The following CYFIP2 variants were observed in gnomAD, a reference collection of about 807,000 sequenced individuals.
CYFIP2 encodes the protein cytoplasmic FMR1-interacting protein 2.
A neutral mutation model predicts 158.7 loss-of-function variants in CYFIP2; 29 were observed. The observed-to-expected ratio is 0.18, with a 90% CI of 0.14 to 0.25. The LOEUF is 0.25. CYFIP2 is among the 10% of genes least tolerant of loss of function. CYFIP2 has a pLI of 1.00. For missense variants in CYFIP2, 852 were observed against 1,639.5 expected, an observed-to-expected ratio of 0.52 and a Z score of 8.29; for synonymous variants, 585 against 617.6, an observed-to-expected ratio of 0.95 and a Z score of 0.78.
intron 3 of CYFIP2, among the ~76,000 whole-genome samples, chr5:157,289,859 T>C (rs1337154640): frequency 1.3e-5 from 2 of 152,182 alleles, no homozygotes; most frequent in Admixed American, 6.5e-5. Flanking sequence ...AAAAGAGATA[T>C]GAACAGAACG....
intron 5 of CYFIP2, among the ~76,000 whole-genome samples, chr5:157,298,931 A>G (rs1434829103): frequency 2.6e-5 from 4 of 152,204 alleles, no homozygotes; most frequent in Admixed American, 1.3e-4. Flanking sequence ...ATACCATTCC[A>G]TTGTATGGAT....
intron 5 of CYFIP2, among the ~76,000 whole-genome samples, chr5:157,299,918 AC>A (rs1340568637): frequency 6.6e-6 from 1 of 152,094 alleles, no homozygotes; most frequent in Non-Finnish European, 1.5e-5. Flanking sequence ...ACAAAACAAA[AC>A]AAAAAACTAG....
chr5:157,275,583 A>G (rs1157826402), intron 1 of CYFIP2, among the ~76,000 whole-genome samples: 1 of 152,146 alleles, frequency 6.6e-6, no homozygotes, highest in African/African-American at 2.4e-5. Context: ...TGAGTCTTCC[A>G]TTTTTGTTCA....
chr5:157,381,523 G>A (rs113980787), intron 26 of CYFIP2, among the ~76,000 whole-genome samples: 5,806 of 84,724 alleles, frequency 0.069, 160 homozygotes, highest in South Asian at 0.21. Context: ...ATGGGACTCC[G>A]TTTCACAAAA....
At chr5:157,315,658 T>G (rs1760082045) in intron 13 of CYFIP2, among the ~76,000 whole-genome samples, 2 of 152,250 alleles carry the variant, frequency 1.3e-5, no homozygotes, top group Admixed American at 6.5e-5. Flanking sequence ...ATAAGCCAAC[T>G]GTGCAGAGAT....
In CYFIP2 at chr5:157,389,568, C is replaced by T. The variant is rs989754673; in HGVS notation, c.3446+141C>T. ...CAACTACTTTGTTGAGTGTGTTGAG[C>T]TGACTGCATTGGCAAGAAAGAGCCC... On this transcript the variant is annotated intron_variant, in intron 29 of 30. Coordinates refer to ENST00000620254, the MANE Select transcript of CYFIP2 (RefSeq NM_001037333.3). 3 of 726,844 alleles carry T rather than the reference C, an allele frequency of 4.1e-6. No homozygotes were observed. In the Admixed American group the frequency reaches 8.9e-5, roughly 22 times the overall value. 45.0% of individuals were successfully genotyped at this position (726,844 alleles called of 1,614,324 possible).
At position 157,393,966 on chromosome 5, in the gene CYFIP2, A is replaced by C. The variant is rs1457122030; in HGVS notation, c.*966A>C. 2 of 152,220 alleles carry C rather than the reference A, an allele frequency of 1.3e-5. No homozygotes were observed. The highest frequency in any genetic ancestry group is 4.8e-5 in the African/African-American group (2 of 41,458). The allele number at this position is 152,220 out of a possible 1,614,324, so 9.4% of individuals were successfully genotyped here. A position where few individuals can be genotyped will look rare whatever the true frequency, so the allele number is the denominator to read the frequency against. On this transcript the variant is annotated 3_prime_UTR_variant, in exon 31 of 31. Coordinates refer to ENST00000620254, the MANE Select transcript of CYFIP2 (RefSeq NM_001037333.3). ...TCCACAGAAGCCCAAAACGTCTTGG[A>C]AACACAGAGGTGAGGAGGAGGAATA...
At chr5:157,376,619 G>T in intron 26 of CYFIP2, 1 of 176,266 alleles carries the variant, frequency 5.7e-6, no homozygotes, top group Non-Finnish European at 1.2e-5. Context: ...AGTAGACATG[G>T]AAATGTTCAG....
chr5:157,324,052 C>T lies in CYFIP2; in HGVS notation c.1803C>T (p.Phe601=), dbSNP rs1760816765. 1 of 1,613,422 alleles carries T rather than the reference C, an allele frequency of 6.2e-7. No individual in the cohort carries two copies. Among genetic ancestry groups the T allele is most frequent in the South Asian group, 1.1e-5 (1 of 91,008 alleles). The change falls in exon 16 of 31, where the codon TTC becomes TTT. Residue 601 remains phenylalanine (F), a synonymous_variant. Transcript: ENST00000620254. ...IEDFHKQSFF[F]THLLNISEAL... Reference sequence around the variant, plus strand: ...ACTTTCACAAACAGTCCTTCTTCTTCACACATCTGCTCAACATCAGTGGTG... The same window carrying T: ...ACTTTCACAAACAGTCCTTCTTCTTTACACATCTGCTCAACATCAGTGGTG...
intron 16 of CYFIP2, 54 bp from the exon 17 acceptor site, chr5:157,325,428 C>T: frequency 6.5e-7 from 1 of 1,527,040 alleles, no homozygotes; most frequent in South Asian, 1.3e-5. Flanking sequence ...ACAATGAGAA[C>T]TAAGGTCTTT....
At chr5:157,338,210 C>T (rs932659637) in intron 21 of CYFIP2, among the ~76,000 whole-genome samples, 1 of 152,234 alleles carries the variant, frequency 6.6e-6, no homozygotes, top group African/African-American at 2.4e-5. Flanking sequence ...TACTCTGTCC[C>T]ACTTTGCCTG....
At position 157,293,203 on chromosome 5, in the gene CYFIP2, C is replaced by T. The variant is rs142235703; in HGVS notation, c.208-1580C>T. ...CCAGAGTAGCTGAGATTGCAGGCAC[C>T]CGCCACCACACCTGGCTAATTTTTG... On this transcript the variant is annotated intron_variant, in intron 3 of 30. Coordinates refer to ENST00000620254, the MANE Select transcript of CYFIP2 (RefSeq NM_001037333.3). Among the ~76,000 whole-genome samples the T allele has an allele frequency of 9.0e-3, 1,369 of 152,194 alleles. 17 individuals carry two copies. Among genetic ancestry groups the T allele is most frequent in the African/African-American group, 0.031 (1,279 of 41,514 alleles).
Position 157,361,419 on chromosome 5 carries a change from C to G in CYFIP2, c.2909-49C>G, listed in dbSNP as rs1430554580. 2 of 1,611,724 alleles carry G rather than the reference C, an allele frequency of 1.2e-6. No individual in the cohort carries two copies. Among genetic ancestry groups the G allele is most frequent in the South Asian group, 2.2e-5 (2 of 90,956 alleles). On this transcript the variant is annotated intron_variant, in intron 25 of 30. Coordinates refer to ENST00000620254, the MANE Select transcript of CYFIP2 (RefSeq NM_001037333.3). The surrounding 1 kb of genome is among the most constrained non-coding windows in gnomAD (Gnocchi z 4.4). Reference sequence around the variant, plus strand: ...ACTCAGTCATTGTTTCCCATAGACCCTACTGAGCAGTGTCAACTTCCCACT... The same window carrying G: ...ACTCAGTCATTGTTTCCCATAGACCGTACTGAGCAGTGTCAACTTCCCACT...
chr5:157,313,302 C>A (rs943918425), intron 11 of CYFIP2, among the ~76,000 whole-genome samples: 1 of 152,182 alleles, frequency 6.6e-6, no homozygotes, highest in Non-Finnish European at 1.5e-5. Flanking sequence ...GTTGTTGATT[C>A]ATTAACGCAT....
intron 21 of CYFIP2, among the ~76,000 whole-genome samples, chr5:157,337,225 T>C (rs2113216503): frequency 6.6e-6 from 1 of 152,320 alleles, no homozygotes; most frequent in East Asian, 1.9e-4. Context: ...AGAAAGCTGA[T>C]TCTGTATTTC....
At chr5:157,390,384 C>G in intron 29 of CYFIP2, 137 bp from the exon 30 acceptor site, 1 of 736,970 alleles carries the variant, frequency 1.4e-6, no homozygotes, top group East Asian at 2.8e-5. Context: ...CCTTTGTACC[C>G]ATTTTATAGG....
intron 1 of CYFIP2, among the ~76,000 whole-genome samples, chr5:157,276,667 G>T (rs980574526): frequency 3.3e-4 from 50 of 152,152 alleles, no homozygotes; most frequent in African/African-American, 1.2e-3. Flanking sequence ...GCTCAGAAAG[G>T]TTATGTCACC....
intron 28 of CYFIP2, 65 bp from the exon 29 acceptor site, chr5:157,389,124 T>C (rs1766996999): frequency 6.8e-7 from 1 of 1,463,966 alleles, no homozygotes; most frequent in Non-Finnish European, 9.3e-7. Context: ...CGGGAATCTG[T>C]GGTGGGAGGT....
chr5:157,362,055 C>T (rs913638234), intron 26 of CYFIP2, among the ~76,000 whole-genome samples: 8 of 152,196 alleles, frequency 5.3e-5, no homozygotes, highest in Non-Finnish European at 1.2e-4. Flanking sequence ...GGAGGTTACA[C>T]ATTGGTTTAG....
Sources: gnomAD v4.1 joint callset for allele counts (sites outside exome capture counted in the v4.1 genomes callset) on GRCh38, gnomAD v4.1.1 for gene constraint, Gnocchi (gnomAD v3.1) non-coding constraint, MANE v1.5 for transcripts, NCBI Gene and HGNC (gene_info 2026-07-23, HGNC 2026-07-21) for gene names.